Variants in ERICH3 observed in about 807,000 individuals in gnomAD.
ERICH3 encodes glutamate-rich protein 3.
A neutral mutation model predicts 131.1 loss-of-function variants in ERICH3; 126 were observed. The ratio of observed to expected loss-of-function variants is 0.96; its 90% CI spans 0.83 to 1.11. The LOEUF (loss-of-function observed/expected upper bound fraction) is 1.11, where lower values mean the gene tolerates loss of function less well. Ranked by LOEUF, ERICH3 falls within the 50% of genes most tolerant of loss-of-function variation. The pLI is 0.00. For synonymous variants in ERICH3, 695 were observed against 644.6 expected (o/e 1.08, Z -1.18); for missense variants, 2,050 against 1,810.7 (o/e 1.13, Z -2.40).
chr1:74,667,482 GAATAACTA>G (rs1216317719), intron 1 of ERICH3, among the ~76,000 whole-genome samples: 2 of 152,114 alleles, frequency 1.3e-5, no homozygotes, highest in African/African-American at 4.8e-5. Flanking sequence ...GTACCAAAAT[GAATAACTA>G]AAGGTTAGAA....
intron 1 of ERICH3, among the ~76,000 whole-genome samples, chr1:74,668,265 C>T (rs1173987554): frequency 6.6e-6 from 1 of 152,144 alleles, no homozygotes; most frequent in East Asian, 1.9e-4. Flanking sequence ...ATGTTGATTT[C>T]CACCTACTTT....
At chr1:74,617,285 CA>C (rs370700712) in intron 8 of ERICH3, among the ~76,000 whole-genome samples, 2 of 150,830 alleles carry the variant, frequency 1.3e-5, no homozygotes, top group African/African-American at 4.9e-5. Flanking sequence ...ATGTAGTTTT[CA>C]ACAAACAATC....
In ERICH3 at chr1:74,573,437, T is replaced by G. The variant is rs913366643; in HGVS notation, c.2273A>C (p.Glu758Ala). The stretch of plus-strand genomic sequence containing the variant: ...CGTTTTTTGCACCAATTGCTGGGAT[T>G]CCTTGTTTGAGTTGATTGCTGCTGT... ...DETAAINSNK[E>A]SQQLVQKTYT... Residue 758 changes from glutamate to alanine, a missense_variant, in exon 14 of 15, where the codon GAA becomes GCA. By Grantham distance (107) the Glu-to-Ala change is moderately radical (BLOSUM62 -1). Transcript: ENST00000326665. The G allele has an allele frequency of 1.9e-6, 3 of 1,562,312 alleles. No individual in the cohort carries two copies. In the African/African-American group the frequency reaches 4.1e-5, roughly 22 times the overall value.
chr1:74,573,245 G>T lies in ERICH3; in HGVS notation c.2465C>A (p.Ala822Glu), dbSNP rs759291266. ...CTCCCTTTTTTCTGTAAACTCTTCTGCCAATTCTGGCTGCTCTGCTGTTGG... is the reference window on the plus strand; with the variant it reads ...CTCCCTTTTTTCTGTAAACTCTTCTTCCAATTCTGGCTGCTCTGCTGTTGG... ...WKPTAEQPEL[A>E]EEFTEKREIP... is the part of the protein sequence containing the mutation. Residue 822 changes from alanine to glutamate, a missense_variant, in exon 14 of 15, where the codon GCA becomes GAA. Ala to Glu is a moderately radical substitution (Grantham distance 107). Coordinates refer to ENST00000326665, the MANE Select transcript of ERICH3 (RefSeq NM_001002912.5). 1 of 1,600,682 alleles carries T rather than the reference G, an allele frequency of 6.2e-7. No individual in the cohort carries two copies. The highest frequency in any genetic ancestry group is 1.3e-5 in the African/African-American group (1 of 74,328).
intron 7 of ERICH3, among the ~76,000 whole-genome samples, chr1:74,629,566 G>C (rs1029099472): frequency 6.6e-6 from 1 of 152,064 alleles, no homozygotes; most frequent in Admixed American, 6.6e-5. Context: ...GGATGAAGAG[G>C]CTGCTGCTCC....
At chr1:74,672,568 T>C (rs1646751695) in intron 1 of ERICH3, among the ~76,000 whole-genome samples, 2 of 152,216 alleles carry the variant, frequency 1.3e-5, no homozygotes, top group Admixed American at 1.3e-4. Flanking sequence ...AAACTCCAAA[T>C]GATCTCAAAT....
Position 74,583,479 on chromosome 1 carries a change from TTCTC to T in ERICH3, c.2176+6148_2176+6151del, listed in dbSNP as rs141353159. Among the ~76,000 whole-genome samples, 674 of 151,782 alleles carry T rather than the reference TTCTC, an allele frequency of 4.4e-3. 5 individuals are homozygous for T. Among genetic ancestry groups the T allele is most frequent in the African/African-American group, 0.015 (624 of 41,432 alleles). On this transcript the variant is annotated intron_variant, in intron 12 of 14. Transcript: ENST00000326665. ...TAAAAGGTATGTTGATGTGGTCTCT[TTCTC>T]TCTCTCTCTCCTTCTCTCTCTCTCT... is the stretch of plus-strand genomic sequence containing the variant.
intron 5 of ERICH3, among the ~76,000 whole-genome samples, 197 bp downstream of exon 5, chr1:74,641,134 G>A (rs1317106083): frequency 6.6e-6 from 1 of 152,032 alleles, no homozygotes; most frequent in Non-Finnish European, 1.5e-5. Flanking sequence ...AAGCAAAATT[G>A]ATTTGGCAGT....
chr1:74,610,450 A>G (rs1329841992), intron 9 of ERICH3, among the ~76,000 whole-genome samples: 2 of 149,624 alleles, frequency 1.3e-5, no homozygotes, highest in Non-Finnish European at 3.0e-5. Flanking sequence ...TCCTCTTCTT[A>G]AGGCTTATAC....
intron 5 of ERICH3, among the ~76,000 whole-genome samples, chr1:74,637,583 G>A (rs1646400603): frequency 6.6e-6 from 1 of 152,176 alleles, no homozygotes; most frequent in Non-Finnish European, 1.5e-5. Context: ...TGCATTAGAA[G>A]TGCTTTTGGG....
At chr1:74,668,986 A>C (rs1646717310) in intron 1 of ERICH3, among the ~76,000 whole-genome samples, 5 of 152,186 alleles carry the variant, frequency 3.3e-5, no homozygotes, top group Admixed American at 3.3e-4. Context: ...GGGAGGCAAG[A>C]AACGTATGCT....
chr1:74,634,863 G>T, intron 6 of ERICH3: 1 of 517,656 alleles, frequency 1.9e-6, no homozygotes, highest in South Asian at 3.3e-5. Context: ...AGGCCATATA[G>T]GCCTTATACG....
chr1:74,631,331 A>C (rs74093477), intron 7 of ERICH3, among the ~76,000 whole-genome samples: 4,165 of 152,178 alleles, frequency 0.027, 180 homozygotes, highest in African/African-American at 0.095. Flanking sequence ...TAAATTGTTC[A>C]AAATAAACTA....
chr1:74,604,150 AG>A (rs1307615819), intron 10 of ERICH3, among the ~76,000 whole-genome samples: 1 of 151,922 alleles, frequency 6.6e-6, no homozygotes, highest in African/African-American at 2.4e-5. Flanking sequence ...ATCTTCAGCA[AG>A]AGTAGATTTC....
intron 5 of ERICH3, among the ~76,000 whole-genome samples, chr1:74,639,976 C>T (rs539266496): frequency 5.3e-5 from 8 of 152,172 alleles, no homozygotes; most frequent in African/African-American, 1.4e-4. Flanking sequence ...AATAGGTATC[C>T]CTTACGGTGC....
Position 74,574,657 on chromosome 1 carries a change from T to C in ERICH3, c.2219-1166A>G, listed in dbSNP as rs1455897683. On this transcript the variant is annotated intron_variant, in intron 13 of 14. Coordinates refer to ENST00000326665, the MANE Select transcript of ERICH3 (RefSeq NM_001002912.5). ...TTCTTAGAGTACAAGTGTTCACCCA[T>C]AATTTCCTGGTAAACCTGGGTGCAC... 1.6e-4 allele frequency among the ~76,000 whole-genome samples: 24 copies of C among 152,228 alleles called. 1 individual carries two copies. The highest frequency in any genetic ancestry group is 1.6e-3 in the Admixed American group (24 of 15,286).
rs1317898549 is a variant in ERICH3, at chr1:74,589,659, C to T, written c.2148G>A (p.Lys716=). ...CTTCCTCCAACCCAGGGAGACCTGC[C>T]TTTTTGTCCTTCACCTGAGCAGTGC... is the stretch of plus-strand genomic sequence containing the variant. ...EESTAQVKDK[K]AGLPGLEEGG... The change falls in exon 12 of 15, where the codon AAG becomes AAA. Residue 716 remains lysine, a synonymous_variant. Coordinates refer to ENST00000326665, the MANE Select transcript of ERICH3 (RefSeq NM_001002912.5). 2 of 1,613,884 alleles carry T rather than the reference C, an allele frequency of 1.2e-6. No individual in the cohort carries two copies. Among genetic ancestry groups the T allele is most frequent in the Non-Finnish European group, 1.7e-6 (2 of 1,179,948 alleles).
chr1:74,664,370 T>A (rs1646669882), intron 1 of ERICH3, among the ~76,000 whole-genome samples: 1 of 151,638 alleles, frequency 6.6e-6, no homozygotes, highest in African/African-American at 2.4e-5. Flanking sequence ...TCTAACTCTA[T>A]TATTCTAATT....
intron 7 of ERICH3, among the ~76,000 whole-genome samples, chr1:74,631,164 G>T (rs542838342): frequency 2.6e-5 from 4 of 152,078 alleles, no homozygotes; most frequent in South Asian, 2.1e-4. Flanking sequence ...AAAATGAAGA[G>T]ATATTTTGCC....
Sources: allele counts gnomAD v4.1 joint callset (sites outside exome capture counted in the v4.1 genomes callset), GRCh38; gene constraint gnomAD v4.1.1; transcripts MANE v1.5; gene names NCBI Gene and HGNC (gene_info 2026-07-23, HGNC 2026-07-21).